LAMA3: variants seen among roughly 807,000 people sequenced by gnomAD.
LAMA3 encodes the protein laminin subunit alpha 3.
Under a neutral mutation model 402.0 loss-of-function variants are expected in LAMA3, and 281 were observed. The observed-to-expected ratio is 0.70, with a 90% CI of 0.63 to 0.77. LAMA3 has a LOEUF of 0.77. Among genes scored for constraint, LAMA3 ranks in the 30% least tolerant of loss-of-function variants. The probability of loss-of-function intolerance (pLI) is 0.00; values close to 1 mark genes in which losing one functional copy is unlikely to be tolerated. For synonymous variants in LAMA3, 1,431 were observed against 1,558.4 expected, an observed-to-expected ratio of 0.92 and a Z score of 1.93; for missense variants, 3,840 against 4,215.5, an observed-to-expected ratio of 0.91 and a Z score of 2.47.
At chr18:23,875,511 G>A (rs1055549117) in intron 38 of LAMA3, among the ~76,000 whole-genome samples, 7 of 152,168 alleles carry the variant, frequency 4.6e-5, no homozygotes, top group South Asian at 2.1e-4. Context: ...TGGACCAGAT[G>A]TTCGTGAACA....
At chr18:23,793,638 G>A (rs2062705993) in intron 12 of LAMA3, among the ~76,000 whole-genome samples, 1 of 152,034 alleles carries the variant, frequency 6.6e-6, no homozygotes, top group South Asian at 2.1e-4. Context: ...CTCTAACTGT[G>A]TTTTTCCTCT....
intron 2 of LAMA3, among the ~76,000 whole-genome samples, chr18:23,715,501 G>A (rs2061081563): frequency 6.6e-6 from 1 of 152,028 alleles, no homozygotes; most frequent in Non-Finnish European, 1.5e-5. Context: ...GAATGTGAGA[G>A]GAATTGAAGT....
At chr18:23,792,420 A>G (rs2062676901) in intron 12 of LAMA3, among the ~76,000 whole-genome samples, 1 of 152,142 alleles carries the variant, frequency 6.6e-6, no homozygotes, top group Non-Finnish European at 1.5e-5. Flanking sequence ...TGCAAGAGAG[A>G]GAGTCCAGGA....
In LAMA3 at chr18:23,846,385, C is replaced by T; in HGVS notation, c.3808C>T (p.Pro1270Ser). The change falls in exon 31 of 75, where the codon CCC (proline) becomes TCC (serine). Residue 1270 changes from proline to serine, a missense_variant. Pro to Ser is a moderately conservative substitution (Grantham distance 74, BLOSUM62 -1). Around this residue, in one of 3 missense-constraint regions of LAMA3, gnomAD observed 2,109 missense variants for 2,376.0 expected, o/e 0.89. Coordinates refer to ENST00000313654, the MANE Select transcript of LAMA3 (RefSeq NM_198129.4). The stretch of plus-strand genomic sequence containing the variant: ...GGGCGCCCTGCCTTGTGAGTGCCAC[C>T]CCACTGGGGCCACCGGCCCTCACTG... ...HKGALPCECH[P>S]TGATGPHCSP... The T allele has an allele frequency of 6.2e-7, 1 of 1,614,142 alleles. No homozygotes were observed. The highest frequency in any genetic ancestry group is 8.5e-7 in the Non-Finnish European group (1 of 1,180,028).
At chr18:23,842,166 A>G (rs1443594303) in intron 27 of LAMA3, among the ~76,000 whole-genome samples, 3 of 152,206 alleles carry the variant, frequency 2.0e-5, no homozygotes, top group Non-Finnish European at 2.9e-5. Context: ...CCAATCTGCA[A>G]CCAAGAGACA....
chr18:23,721,811 G>A (rs933138761), intron 2 of LAMA3, among the ~76,000 whole-genome samples: 2 of 152,116 alleles, frequency 1.3e-5, no homozygotes, highest in Non-Finnish European at 2.9e-5. Context: ...TCTACTCTCA[G>A]CTTACCCTGT....
At chr18:23,925,513 G>A (rs953984582) in intron 62 of LAMA3, among the ~76,000 whole-genome samples, 8 of 152,084 alleles carry the variant, frequency 5.3e-5, no homozygotes, top group Admixed American at 1.3e-4. Context: ...ATTGAACATC[G>A]ACTAAGTACC....
chr18:23,820,630 C>T (rs905076448), intron 19 of LAMA3, among the ~76,000 whole-genome samples: 2 of 152,112 alleles, frequency 1.3e-5, no homozygotes, highest in East Asian at 1.9e-4. Context: ...AGAACTTATA[C>T]GTCTTGCTAC....
rs1362535126 is a variant in LAMA3 at position 23,928,672 on chromosome 18, T to G, written c.8343T>G (p.Thr2781=). The change falls in exon 64 of 75, where the codon ACT becomes ACG. Residue 2781 remains threonine (T), a synonymous_variant. Coordinates refer to ENST00000313654, the MANE Select transcript of LAMA3 (RefSeq NM_198129.4). ...SFSRGGQLSF[T]DLGLPPTDHL... ...CCAGAGGAGGACAATTGAGTTTCACTGATTTGGGCTTACCACCTACTGACC... is the reference window on the plus strand; with the variant it reads ...CCAGAGGAGGACAATTGAGTTTCACGGATTTGGGCTTACCACCTACTGACC... 1 of 1,613,956 alleles carries G rather than the reference T, an allele frequency of 6.2e-7. No homozygotes were observed. The highest frequency in any genetic ancestry group is 1.7e-5 in the Admixed American group (1 of 60,034).
intron 62 of LAMA3, 77 bp from the exon 63 acceptor site, chr18:23,928,046 G>C (rs1223798236): frequency 2.0e-6 from 2 of 1,001,496 alleles, no homozygotes; most frequent in Non-Finnish European, 3.2e-6. Context: ...AAGTACTAAA[G>C]AGCACAGCGT....
chr18:23,740,115 C>T lies in LAMA3; in HGVS notation c.448-7828C>T, dbSNP rs576894884. The stretch of plus-strand genomic sequence containing the variant: ...AAGTCATTACAGAGAGTAGGATAAA[C>T]GACAAGACTCAGTTATGAAATTGAG... On this transcript the variant is annotated intron_variant, in intron 2 of 74. Transcript: ENST00000313654. Among the ~76,000 whole-genome samples the T allele has an allele frequency of 5.3e-5, 8 of 152,250 alleles. No homozygotes were observed. In the East Asian group the frequency reaches 5.8e-4, roughly 11 times the overall value.
chr18:23,941,819 G>A (rs1339060549), intron 68 of LAMA3, among the ~76,000 whole-genome samples: 1 of 152,150 alleles, frequency 6.6e-6, no homozygotes, highest in East Asian at 1.9e-4. Flanking sequence ...AACAGTTCTG[G>A]AAAGCAAATG....
chr18:23,864,172 A>G (rs1346747644), intron 35 of LAMA3, among the ~76,000 whole-genome samples: 1 of 152,160 alleles, frequency 6.6e-6, no homozygotes, highest in Non-Finnish European at 1.5e-5. Flanking sequence ...TCATCTAGAA[A>G]AAAAAAGGAA....
At chr18:23,907,988 T>C (rs1210959918) in intron 54 of LAMA3, 53 bp downstream of exon 54, 2 of 1,569,686 alleles carry the variant, frequency 1.3e-6, no homozygotes, top group Non-Finnish European at 8.8e-7. Context: ...CATTGTTATG[T>C]GTTTTGGTCC....
At chr18:23,899,977 C>T (rs868807380) in intron 47 of LAMA3, among the ~76,000 whole-genome samples, 1 of 152,056 alleles carries the variant, frequency 6.6e-6, no homozygotes. Context: ...AATTTATTTA[C>T]GTTTCATTTA....
rs780836727 is a variant in LAMA3 at position 23,815,168 on chromosome 18, A to G, written c.1889-20A>G. 1 of 1,612,054 alleles carries G rather than the reference A, an allele frequency of 6.2e-7. No individual in the cohort carries two copies. ...CTTTTGTGTCTCCCTTAGTTCAAGG[A>G]TGCTCTCTTATCTCCACAGAATGCA... On this transcript the variant is annotated intron_variant, in intron 15 of 74. Transcript: ENST00000313654.
chr18:23,912,757 G>A lies in LAMA3; in HGVS notation c.7205G>A (p.Arg2402Gln), dbSNP rs528733074. The A allele has an allele frequency of 1.2e-5, 20 of 1,613,922 alleles. No individual in the cohort carries two copies. Among genetic ancestry groups the A allele is most frequent in the African/African-American group, 4.0e-5 (3 of 74,900 alleles). The change falls in exon 56 of 75, where the codon CGA (arginine) becomes CAA (glutamine). Residue 2402 changes from arginine to glutamine, a missense_variant. By Grantham distance (43) the Arg-to-Gln change is conservative. Transcript: ENST00000313654. ...RFNGKSGVEV[R>Q]LPNDLEDLKG... ...AATGGTAAATCTGGAGTCGAAGTCCGACTGCCAAATGACCTGGAAGATTTG... is the reference window on the plus strand; with the variant it reads ...AATGGTAAATCTGGAGTCGAAGTCCAACTGCCAAATGACCTGGAAGATTTG...
chr18:23,739,660 G>C (rs528729770), intron 2 of LAMA3, among the ~76,000 whole-genome samples: 1 of 152,298 alleles, frequency 6.6e-6, no homozygotes, highest in South Asian at 2.1e-4. Context: ...ACACTCTTTA[G>C]ATAGAAGCAT....
chr18:23,821,908 C>G (rs1376383967), intron 19 of LAMA3, among the ~76,000 whole-genome samples: 1 of 152,152 alleles, frequency 6.6e-6, no homozygotes, highest in African/African-American at 2.4e-5. Flanking sequence ...TTTTCCTAGC[C>G]AGTGGTGGTT....
Sources: allele counts gnomAD v4.1 joint callset (sites outside exome capture counted in the v4.1 genomes callset), GRCh38; gene constraint gnomAD v4.1.1; regional missense constraint gnomAD v4.1.1; transcripts MANE v1.5; gene names NCBI Gene and HGNC (gene_info 2026-07-23, HGNC 2026-07-21).